Variants in TOMM70 observed in about 807,000 individuals in gnomAD.
TOMM70 encodes mitochondrial import receptor subunit TOM70.
Under a neutral mutation model 73.6 loss-of-function variants are expected in TOMM70, and 13 were observed. That is an observed-to-expected ratio of 0.18 (90% CI 0.11 to 0.28). The LOEUF (loss-of-function observed/expected upper bound fraction) is 0.28, where lower values mean the gene tolerates loss of function less well. Among genes scored for constraint, TOMM70 ranks in the 10% least tolerant of loss-of-function variants. The probability of loss-of-function intolerance (pLI) is 1.00; values close to 1 mark genes in which losing one functional copy is unlikely to be tolerated. For missense variants in TOMM70, 609 were observed against 747.5 expected (o/e 0.81, Z 2.16); for synonymous variants, 257 against 271.2 (o/e 0.95, Z 0.51).
chr3:100,384,703 G>C, intron 3 of TOMM70, 115 bp from the exon 4 acceptor site: 1 of 605,412 alleles, frequency 1.7e-6, no homozygotes, highest in Non-Finnish European at 2.7e-6. Context: ...GGCCAAATGG[G>C]ACTGTTTCAT....
intron 9 of TOMM70, among the ~76,000 whole-genome samples, chr3:100,371,259 A>ATTTTT (rs61515802): frequency 2.4e-4 from 24 of 98,638 alleles, no homozygotes; most frequent in African/African-American, 8.6e-4. Context: ...CAGCGATGGT[A>ATTTTT]TTTTTTTTTT....
chr3:100,368,627 G>A (rs534836195), intron 10 of TOMM70, among the ~76,000 whole-genome samples: 1 of 152,076 alleles, frequency 6.6e-6, no homozygotes, highest in South Asian at 2.1e-4. Flanking sequence ...CCAGGCTGGA[G>A]AGCAGTGGTG....
chr3:100,371,549 G>C (rs1331785175), intron 9 of TOMM70, among the ~76,000 whole-genome samples: 1 of 152,044 alleles, frequency 6.6e-6, no homozygotes, highest in Non-Finnish European at 1.5e-5. Flanking sequence ...TTGCAGGCAG[G>C]AGCCACCACA....
chr3:100,399,151 G>A (rs1314256987), intron 1 of TOMM70, among the ~76,000 whole-genome samples: 6 of 151,998 alleles, frequency 3.9e-5, no homozygotes, highest in Admixed American at 2.6e-4. Flanking sequence ...GCATGGTGGC[G>A]CGCGCCTGTA....
intron 5 of TOMM70, 93 bp downstream of exon 5, chr3:100,381,522 T>C: frequency 2.1e-6 from 2 of 952,208 alleles, no homozygotes; most frequent in Non-Finnish European, 2.9e-6. Context: ...AGATAGCTGC[T>C]GTTGTGAGAT....
chr3:100,376,478 C>T (rs1378486381), intron 6 of TOMM70, among the ~76,000 whole-genome samples: 2 of 151,268 alleles, frequency 1.3e-5, no homozygotes, highest in East Asian at 3.9e-4. Context: ...ATCCTCCCAT[C>T]TCAGCCTCCT....
intron 1 of TOMM70, among the ~76,000 whole-genome samples, chr3:100,398,836 T>A: frequency 6.6e-6 from 1 of 152,332 alleles, no homozygotes; most frequent in East Asian, 1.9e-4. Context: ...TATCCAGTCA[T>A]AAACCTTTTA....
intron 3 of TOMM70, among the ~76,000 whole-genome samples, chr3:100,385,830 T>C (rs1363111097): frequency 6.6e-6 from 1 of 152,214 alleles, no homozygotes; most frequent in Non-Finnish European, 1.5e-5. Flanking sequence ...AAGCTATGTT[T>C]ATACATATTA....
chr3:100,366,429 T>C (rs1207764759), intron 11 of TOMM70, among the ~76,000 whole-genome samples: 4 of 152,222 alleles, frequency 2.6e-5, no homozygotes, highest in Non-Finnish European at 5.9e-5. Context: ...TACCTGCATA[T>C]ACAGAGTCTA....
chr3:100,367,081 C>T (rs1706454164), intron 11 of TOMM70, among the ~76,000 whole-genome samples: 1 of 152,162 alleles, frequency 6.6e-6, no homozygotes, highest in South Asian at 2.1e-4. Flanking sequence ...GTTAGCTGGG[C>T]ATGGTGGTGC....
chr3:100,365,375 C>T lies in TOMM70; in HGVS notation c.*189G>A. 1 of 703,912 alleles carries T rather than the reference C, an allele frequency of 1.4e-6. No homozygotes were observed. 43.6% of individuals were successfully genotyped at this position (703,912 alleles called of 1,614,324 possible). A position where few individuals can be genotyped will look rare whatever the true frequency, so the allele number is the denominator to read the frequency against. On this transcript the variant is annotated 3_prime_UTR_variant, in exon 12 of 12. Transcript: ENST00000284320. ...TTTGTTGCACAGGGAATAAAAGCTGCAAGACTGCAAACTTCCTTCAACAGC... is the reference window on the plus strand; with the variant it reads ...TTTGTTGCACAGGGAATAAAAGCTGTAAGACTGCAAACTTCCTTCAACAGC...
chr3:100,373,525 A>T lies in TOMM70; in HGVS notation c.1335+13T>A. On this transcript the variant is annotated intron_variant, in intron 8 of 11. Coordinates refer to ENST00000284320, the MANE Select transcript of TOMM70 (RefSeq NM_014820.5). ...GTGATGTTTAGGAAAATACAAAAGA[A>T]AGTAGTACCTACCAATGCAAAACAT... is the stretch of plus-strand genomic sequence containing the variant. 6.3e-7 allele frequency: 1 copy of T among 1,585,334 alleles called. No individual in the cohort carries two copies. The highest frequency in any genetic ancestry group is 8.6e-7 in the Non-Finnish European group (1 of 1,166,354).
chr3:100,390,226 G>A (rs1162899717), intron 1 of TOMM70, among the ~76,000 whole-genome samples: 1 of 152,166 alleles, frequency 6.6e-6, no homozygotes, highest in African/African-American at 2.4e-5. Flanking sequence ...ATAACCAACA[G>A]TGTAGTCTTT....
intron 9 of TOMM70, among the ~76,000 whole-genome samples, chr3:100,371,816 T>G (rs1371973619): frequency 6.6e-6 from 1 of 152,108 alleles, no homozygotes; most frequent in Non-Finnish European, 1.5e-5. Flanking sequence ...GGCATGAGAA[T>G]CTAATGCTGC....
At chr3:100,391,961 G>GTACCA (rs1706768111) in intron 1 of TOMM70, among the ~76,000 whole-genome samples, 1 of 152,134 alleles carries the variant, frequency 6.6e-6, no homozygotes, top group African/African-American at 2.4e-5. Flanking sequence ...CTAAACAGGT[G>GTACCA]TACCATTTTT....
chr3:100,365,778 G>T (rs1706442536), intron 11 of TOMM70, 61 bp from the exon 12 acceptor site: 1 of 1,576,060 alleles, frequency 6.3e-7, no homozygotes, highest in African/African-American at 1.3e-5. Context: ...TTCAATGAAG[G>T]TTGTAAGTGA....
At chr3:100,390,634 C>T (rs935060654) in intron 1 of TOMM70, among the ~76,000 whole-genome samples, 2 of 152,156 alleles carry the variant, frequency 1.3e-5, no homozygotes, top group African/African-American at 4.8e-5. Context: ...TGAAACCAGC[C>T]TGACCAACAC....
intron 10 of TOMM70, among the ~76,000 whole-genome samples, chr3:100,368,789 G>A (rs1706476804): frequency 6.6e-6 from 1 of 152,086 alleles, no homozygotes; most frequent in Non-Finnish European, 1.5e-5. Flanking sequence ...TTGGTCAGGA[G>A]GGTTTCGAAC....
At chr3:100,369,179 C>T in intron 9 of TOMM70, 44 bp from the exon 10 acceptor site, 2 of 1,358,532 alleles carry the variant, frequency 1.5e-6, no homozygotes, top group East Asian at 2.3e-5. Flanking sequence ...AACCGTCAAC[C>T]TAAGCAGTTA....
Sources: gnomAD v4.1 joint callset for allele counts (sites outside exome capture counted in the v4.1 genomes callset) on GRCh38, gnomAD v4.1.1 for gene constraint, MANE v1.5 for transcripts, NCBI Gene and HGNC (gene_info 2026-07-23, HGNC 2026-07-21) for gene names.